The following KLRD1 variants were observed in gnomAD, a reference collection of about 807,000 sequenced individuals.
KLRD1 encodes the protein killer cell lectin like receptor D1, also known as natural killer cells antigen CD94.
A neutral mutation model predicts 22.6 loss-of-function variants in KLRD1; 21 were observed. That is an observed-to-expected ratio of 0.93 (90% CI 0.66 to 1.34). The LOEUF is 1.34. KLRD1 is among the 40% of genes most tolerant of loss of function. KLRD1 has a pLI of 0.00. For missense variants in KLRD1, 183 were observed against 208.6 expected, an observed-to-expected ratio of 0.88 and a Z score of 0.76; for synonymous variants, 59 against 71.1, an observed-to-expected ratio of 0.83 and a Z score of 0.85.
upstream of KLRD1, among the ~76,000 whole-genome samples, chr12:10,300,645 C>G (rs536804673): frequency 3.9e-5 from 6 of 152,322 alleles, no homozygotes; most frequent in East Asian, 1.2e-3. Flanking sequence ...GCATTAGCAC[C>G]TCTGAAGAGA....
In KLRD1 at chr12:10,325,660, T is replaced by C. The variant is rs1322712967; in HGVS notation, c.*10867T>C. The stretch of plus-strand genomic sequence containing the variant: ...GTTTATTTCATTTAGCATAATGTCC[T>C]CAAGTTTCATCCACATTGTTACATA... On this transcript the variant is annotated 3_prime_UTR_variant, in exon 6 of 6. Coordinates refer to ENST00000336164, the MANE Select transcript of KLRD1 (RefSeq NM_002262.5). 1.3e-5 allele frequency: 2 copies of C among 152,244 alleles called. No individual in the cohort carries two copies. Among genetic ancestry groups the C allele is most frequent in the Admixed American group, 6.5e-5 (1 of 15,282 alleles). 9.4% of individuals were successfully genotyped at this position (152,244 alleles called of 1,614,324 possible).
chr12:10,286,034 C>T (rs73053363), intron 1 of KLRD1, among the ~76,000 whole-genome samples: 3,970 of 152,264 alleles, frequency 0.026, 151 homozygotes, highest in East Asian at 0.15. Flanking sequence ...TCGCCAGACA[C>T]GCCATTTCCT....
At chr12:10,275,681 C>T (rs1315698714) in intron 1 of KLRD1, among the ~76,000 whole-genome samples, 1 of 152,126 alleles carries the variant, frequency 6.6e-6, no homozygotes, top group Non-Finnish European at 1.5e-5. Flanking sequence ...TTAGTCATAC[C>T]TCTAATATCA....
chr12:10,324,274 G>A lies in KLRD1; in HGVS notation c.*9481G>A, dbSNP rs1047387908. 1.3e-5 allele frequency: 2 copies of A among 152,146 alleles called. No homozygotes were observed. The highest frequency in any genetic ancestry group is 2.9e-5 in the Non-Finnish European group (2 of 68,042). The allele number at this position is 152,146 out of a possible 1,614,324, so 9.4% of individuals were successfully genotyped here. On this transcript the variant is annotated 3_prime_UTR_variant, in exon 6 of 6. Coordinates refer to ENST00000336164, the MANE Select transcript of KLRD1 (RefSeq NM_002262.5). ...TTCGTTTTAGGTTCAGGGTATATATGTAGGCTTCTTATATGAGTACATTGC... is the reference window on the plus strand; with the variant it reads ...TTCGTTTTAGGTTCAGGGTATATATATAGGCTTCTTATATGAGTACATTGC...
chr12:10,249,925 A>G (rs1949329354), intron 1 of KLRD1, among the ~76,000 whole-genome samples: 2 of 152,124 alleles, frequency 1.3e-5, no homozygotes, highest in Admixed American at 1.3e-4. Flanking sequence ...CAGAGTTCGC[A>G]GGAGCTGCCA....
At chr12:10,247,555 C>G (rs1041021597) in intron 1 of KLRD1, among the ~76,000 whole-genome samples, 7 of 151,980 alleles carry the variant, frequency 4.6e-5, no homozygotes, top group South Asian at 2.1e-4. Context: ...GTTTGCTTCA[C>G]TTTCATATTT....
chr12:10,274,056 G>A (rs1400127766), intron 1 of KLRD1, among the ~76,000 whole-genome samples: 5 of 152,162 alleles, frequency 3.3e-5, no homozygotes, highest in Admixed American at 3.3e-4. Flanking sequence ...GCCAAGGTGA[G>A]TGGATCATCT....
chr12:10,265,793 C>T (rs962320521), intron 1 of KLRD1, among the ~76,000 whole-genome samples: 6 of 152,182 alleles, frequency 3.9e-5, no homozygotes, highest in East Asian at 3.9e-4. Context: ...TAGGCCATAC[C>T]GCTACATCTG....
At position 10,328,900 on chromosome 12, in the gene KLRD1, C is replaced by G. The variant is rs140704267; in HGVS notation, c.*14107C>G. The G allele has an allele frequency of 1.6e-3, 249 of 152,274 alleles. No individual in the cohort carries two copies. The highest frequency in any genetic ancestry group is 5.7e-3 in the African/African-American group (237 of 41,538). The allele number at this position is 152,274 out of a possible 1,614,324, so 9.4% of individuals were successfully genotyped here. On this transcript the variant is annotated 3_prime_UTR_variant, in exon 6 of 6. Coordinates refer to ENST00000336164, the MANE Select transcript of KLRD1 (RefSeq NM_002262.5). ...GGCGGCAGACAAGAGAGAATGAAAG[C>G]CAAGCCAAAGGGGGTTTCCCCTTAT...
chr12:10,312,390 T>C (rs1950100106), intron 4 of KLRD1, among the ~76,000 whole-genome samples: 2 of 147,570 alleles, frequency 1.4e-5, no homozygotes, highest in South Asian at 4.3e-4. Flanking sequence ...TGTTTGTTTG[T>C]TTGTTTGAGA....
intron 3 of KLRD1, among the ~76,000 whole-genome samples, chr12:10,310,233 C>T (rs1950028659): frequency 6.6e-6 from 1 of 152,162 alleles, no homozygotes; most frequent in Non-Finnish European, 1.5e-5. Flanking sequence ...CACCTTCCTG[C>T]CTCAGCCTCC....
rs1412893246 is a variant in KLRD1, at chr12:10,239,414, TTCTTTCCA to T, written c.-101+13184_-101+13191del. On this transcript the variant is annotated intron_variant, in intron 1 of 5. Coordinates refer to the KLRD1 transcript ENST00000544747. Reference sequence around the variant, plus strand: ...TTGGCAGCAGCATTTCCTTCCTTCCTTCTTTCCATCCTTCCTTCCTTTCCTTCCTTCCT... The same window carrying T: ...TTGGCAGCAGCATTTCCTTCCTTCCTTCCTTCCTTCCTTTCCTTCCTTCCT... 1.5e-3 allele frequency among the ~76,000 whole-genome samples: 88 copies of T among 58,024 alleles called. 5 individuals are homozygous for T. Among genetic ancestry groups the T allele is most frequent in the East Asian group, 8.4e-3 (4 of 476 alleles). 38.1% of individuals were successfully genotyped at this position (58,024 alleles called of 152,430 possible).
intron 3 of KLRD1, 29 bp from the exon 4 acceptor site, chr12:10,311,435 C>G: frequency 1.9e-6 from 3 of 1,602,618 alleles, no homozygotes; most frequent in Non-Finnish European, 2.6e-6. Flanking sequence ...TCTCCAGTGT[C>G]ATTAGTCATG....
intron 1 of KLRD1, among the ~76,000 whole-genome samples, chr12:10,249,200 G>A (rs1033834948): frequency 2.0e-5 from 3 of 152,088 alleles, no homozygotes; most frequent in Admixed American, 1.3e-4. Flanking sequence ...GCTTAACAGG[G>A]GACAGGGGAG....
intron 1 of KLRD1, among the ~76,000 whole-genome samples, chr12:10,267,641 T>C (rs562789063): frequency 6.6e-6 from 1 of 152,270 alleles, no homozygotes; most frequent in Admixed American, 6.5e-5. Context: ...GGCGTAATTA[T>C]AAGAGAATAA....
chr12:10,252,055 A>C (rs1949351612), intron 1 of KLRD1, among the ~76,000 whole-genome samples: 1 of 152,152 alleles, frequency 6.6e-6, no homozygotes, highest in Non-Finnish European at 1.5e-5. Flanking sequence ...TCCTCAGAGG[A>C]AACAAAGATT....
intron 1 of KLRD1, among the ~76,000 whole-genome samples, chr12:10,262,495 T>C (rs1252440577): frequency 6.6e-6 from 1 of 152,172 alleles, no homozygotes; most frequent in Non-Finnish European, 1.5e-5. Context: ...CATTGTTAAC[T>C]AACTTTGGTC....
At position 10,309,423 on chromosome 12, in the gene KLRD1, A is replaced by G. The variant is rs1379191143; in HGVS notation, c.43A>G (p.Thr15Ala). The change falls in exon 2 of 6, where the codon ACC (threonine) becomes GCC (alanine). Residue 15 changes from threonine (T) to alanine (A), a missense_variant. Thr to Ala is a moderately conservative substitution (Grantham distance 58, BLOSUM62 0). Coordinates refer to ENST00000336164, the MANE Select transcript of KLRD1 (RefSeq NM_002262.5). ...CACTCTGTGGAGGTTAATTTCTGGG[A>G]CCTTAGGGATAATATGCCTTTCGTT... ...KTTLWRLISG[T>A]LGIICLSLMS... The G allele has an allele frequency of 6.5e-7, 1 of 1,548,538 alleles. No individual in the cohort carries two copies. Among genetic ancestry groups the G allele is most frequent in the South Asian group, 1.1e-5 (1 of 89,730 alleles).
At chr12:10,263,102 A>G (rs183663664) in intron 1 of KLRD1, among the ~76,000 whole-genome samples, 1 of 152,162 alleles carries the variant, frequency 6.6e-6, no homozygotes, top group Non-Finnish European at 1.5e-5. Context: ...TCACAGTAAC[A>G]TAGCTTTTTC....
Sources: gnomAD v4.1 joint callset for allele counts (sites outside exome capture counted in the v4.1 genomes callset) on GRCh38, gnomAD v4.1.1 for gene constraint, MANE v1.5 for transcripts, NCBI Gene and HGNC (gene_info 2026-07-23, HGNC 2026-07-21) for gene names.